The following PKHD1 variants were observed in gnomAD, a reference collection of about 807,000 sequenced individuals.
The protein encoded by PKHD1 is PKHD1 ciliary IPT domain containing fibrocystin/polyductin.
Under a neutral mutation model 412.0 loss-of-function variants are expected in PKHD1, and 291 were observed. That is an observed-to-expected ratio of 0.71 (90% CI 0.64 to 0.78). The LOEUF is 0.78. PKHD1 is among the 30% of genes least tolerant of loss of function. The pLI, the probability that PKHD1 is intolerant of heterozygous loss-of-function variation, is 0.00. For missense variants in PKHD1, 4,825 were observed against 4,950.7 expected, an observed-to-expected ratio of 0.97 and a Z score of 0.76; for synonymous variants, 1,777 against 1,821.5, an observed-to-expected ratio of 0.98 and a Z score of 0.62.
At chr6:51,944,579 C>T (rs1486179321) in intron 36 of PKHD1, among the ~76,000 whole-genome samples, 1 of 152,102 alleles carries the variant, frequency 6.6e-6, no homozygotes, top group Non-Finnish European at 1.5e-5. Flanking sequence ...TTTTCCATAC[C>T]CCTATGATTT....
intron 52 of PKHD1, among the ~76,000 whole-genome samples, chr6:51,808,245 G>GT (rs914137888): frequency 1.3e-5 from 2 of 151,642 alleles, no homozygotes; most frequent in African/African-American, 2.4e-5. Context: ...TGTAGTGTGT[G>GT]TTTTTTTTAA....
chr6:51,833,165 T>C (rs1307561581), intron 51 of PKHD1, among the ~76,000 whole-genome samples: 2 of 152,102 alleles, frequency 1.3e-5, no homozygotes, highest in African/African-American at 4.8e-5. Context: ...AAACAAGCAA[T>C]GATTGTTCTC....
intron 33 of PKHD1, 95 bp downstream of exon 33, chr6:52,022,706 G>C: frequency 4.8e-6 from 6 of 1,258,072 alleles, no homozygotes; most frequent in Non-Finnish European, 6.8e-6. Context: ...GAAATTAGTA[G>C]TCAGTACAGC....
intron 55 of PKHD1, among the ~76,000 whole-genome samples, chr6:51,766,564 T>C (rs1027620119): frequency 1.3e-5 from 2 of 151,792 alleles, no homozygotes; most frequent in East Asian, 3.9e-4. Flanking sequence ...ATGTATTTTT[T>C]TTGTGGCTTA....
At chr6:51,779,469 A>G (rs1172708326) in intron 53 of PKHD1, among the ~76,000 whole-genome samples, 2 of 152,126 alleles carry the variant, frequency 1.3e-5, no homozygotes, top group Non-Finnish European at 2.9e-5. Flanking sequence ...ACTATACTGT[A>G]AGGGCCATTT....
At chr6:51,901,841 T>G (rs1781358574) in intron 43 of PKHD1, among the ~76,000 whole-genome samples, 1 of 151,580 alleles carries the variant, frequency 6.6e-6, no homozygotes, top group Non-Finnish European at 1.5e-5. Context: ...GATACAAGAG[T>G]AAGAAAGTAA....
chr6:51,979,194 CAG>C (rs1794826318), intron 35 of PKHD1, among the ~76,000 whole-genome samples: 1 of 152,042 alleles, frequency 6.6e-6, no homozygotes, highest in African/African-American at 2.4e-5. Context: ...ACAGAACATA[CAG>C]AGTGTGTCTG....
intron 22 of PKHD1, 81 bp from the exon 23 acceptor site, chr6:52,048,700 C>A (rs1806268249): frequency 6.5e-7 from 1 of 1,541,620 alleles, no homozygotes; most frequent in African/African-American, 1.4e-5. Context: ...GATGTCCTGT[C>A]TTGCTTAGGC....
At chr6:52,026,306 A>G (rs1802178297) in intron 31 of PKHD1, 125 bp from the exon 32 acceptor site, 1 of 896,990 alleles carries the variant, frequency 1.1e-6, no homozygotes. Flanking sequence ...AACCTCAATT[A>G]TTTTTTCTCA....
chr6:51,777,679 G>GAAAAAAAAAAAAAA (rs59379021), intron 53 of PKHD1, among the ~76,000 whole-genome samples: 1 of 118,796 alleles, frequency 8.4e-6, no homozygotes, highest in African/African-American at 3.4e-5. Flanking sequence ...GAGTCTTTGG[G>GAAAAAAAAAAAAAA]AAAAAAAAAA....
At chr6:51,955,619 T>C (rs1342139673) in intron 36 of PKHD1, among the ~76,000 whole-genome samples, 2 of 152,064 alleles carry the variant, frequency 1.3e-5, no homozygotes, top group Non-Finnish European at 1.5e-5. Context: ...GGAAAAATAA[T>C]ATAAAGGATG....
At chr6:51,818,343 C>T (rs562024461) in intron 52 of PKHD1, among the ~76,000 whole-genome samples, 7 of 152,248 alleles carry the variant, frequency 4.6e-5, no homozygotes, top group Non-Finnish European at 8.8e-5. Context: ...TATTTTGCAA[C>T]GGTGTCATCT....
At chr6:51,989,907 G>GGAAGGAAGGAAGGAAA (rs1796710532) in intron 35 of PKHD1, among the ~76,000 whole-genome samples, 2 of 71,652 alleles carry the variant, frequency 2.8e-5, no homozygotes, top group African/African-American at 5.7e-5. Flanking sequence ...GAGGGAGGAA[G>GGAAGGAAGGAAGGAAA]GAAGGAAGGA....
At chr6:51,885,591 C>A (rs543649376) in intron 45 of PKHD1, among the ~76,000 whole-genome samples, 1 of 152,134 alleles carries the variant, frequency 6.6e-6, no homozygotes, top group Non-Finnish European at 1.5e-5. Context: ...GATTATAAAT[C>A]TTTATGATTC....
chr6:51,658,568 C>G (rs998159513), intron 61 of PKHD1, among the ~76,000 whole-genome samples: 4 of 152,048 alleles, frequency 2.6e-5, no homozygotes, highest in Non-Finnish European at 4.4e-5. Context: ...ATAGCAGTAG[C>G]AACAGAATAA....
Position 51,931,915 on chromosome 6 carries a change from A to C in PKHD1, c.6121+2195T>G, listed in dbSNP as rs573975691. 2.1e-4 allele frequency among the ~76,000 whole-genome samples: 32 copies of C among 149,824 alleles called. No homozygotes were observed. In the South Asian group the frequency reaches 6.9e-3, roughly 32 times the overall value. ...GGAGAGAGAGAGAGGAGGGAGAAGGAGAATAAAGAAGAAAGAGGGAGAAGA... is the reference window on the plus strand; with the variant it reads ...GGAGAGAGAGAGAGGAGGGAGAAGGCGAATAAAGAAGAAAGAGGGAGAAGA... On this transcript the variant is annotated intron_variant, in intron 37 of 66. Transcript: ENST00000371117.
chr6:51,638,465 G>A (rs1768878648), intron 64 of PKHD1, among the ~76,000 whole-genome samples: 1 of 152,016 alleles, frequency 6.6e-6, no homozygotes, highest in Non-Finnish European at 1.5e-5. Context: ...ATTTGGCAGG[G>A]GGTTGAGGAG....
intron 48 of PKHD1, among the ~76,000 whole-genome samples, chr6:51,858,396 A>G (rs892971409): frequency 6.6e-6 from 1 of 152,198 alleles, no homozygotes; most frequent in Non-Finnish European, 1.5e-5. Context: ...TTAGCAAATA[A>G]AAATAAGCTT....
At chr6:51,996,008 A>ATT (rs546863128) in intron 35 of PKHD1, among the ~76,000 whole-genome samples, 45 of 143,456 alleles carry the variant, frequency 3.1e-4, no homozygotes, top group East Asian at 1.0e-3. Flanking sequence ...AAGAACGGCA[A>ATT]TTTTTTTTTT....
Sources: allele counts gnomAD v4.1 joint callset (sites outside exome capture counted in the v4.1 genomes callset), GRCh38; gene constraint gnomAD v4.1.1; transcripts MANE v1.5; gene names NCBI Gene and HGNC (gene_info 2026-07-23, HGNC 2026-07-21).